GRIN3A: variants seen among roughly 807,000 people sequenced by gnomAD.
GRIN3A encodes glutamate receptor ionotropic, NMDA 3A.
In GRIN3A, 47 loss-of-function variants were observed where a neutral mutation model predicts 92.4. That is an observed-to-expected ratio of 0.51 (90% CI 0.40 to 0.65). The LOEUF is 0.65. Among genes scored for constraint, GRIN3A ranks in the 30% least tolerant of loss-of-function variants. GRIN3A has a pLI of 0.00. For synonymous variants in GRIN3A, 527 were observed against 540.6 expected (o/e 0.97, Z 0.35); for missense variants, 1,324 against 1,393.1 (o/e 0.95, Z 0.79).
At chr9:101,579,781 A>G (rs187308080) in intron 6 of GRIN3A, among the ~76,000 whole-genome samples, 1 of 152,280 alleles carries the variant, frequency 6.6e-6, no homozygotes, top group African/African-American at 2.4e-5. Context: ...AGCTCTGGAA[A>G]ACAAGAAACC....
intron 1 of GRIN3A, among the ~76,000 whole-genome samples, chr9:101,700,688 A>G (rs1261018598): frequency 1.3e-5 from 2 of 152,212 alleles, no homozygotes; most frequent in Non-Finnish European, 2.9e-5. Flanking sequence ...ATAATTCAAT[A>G]TAAGAATGTA....
chr9:101,738,184 C>T lies in GRIN3A; in HGVS notation c.-205G>A. ...AGTCTCAGATCCCGCTCCCAGGTCC[C>T]TCCGCCTGGCATCCTCTGCCCGCCC... On this transcript the variant is annotated 5_prime_UTR_variant, in exon 1 of 9. Transcript: ENST00000361820. 3.2e-6 allele frequency: 2 copies of T among 630,952 alleles called. No individual in the cohort carries two copies. The highest frequency in any genetic ancestry group is 5.7e-6 in the Non-Finnish European group (2 of 348,752). The allele number at this position is 630,952 out of a possible 1,614,324, so 39.1% of individuals were successfully genotyped here. A position where few individuals can be genotyped will look rare whatever the true frequency, so the allele number is the denominator to read the frequency against.
At chr9:101,632,601 T>G (rs548825192) in intron 3 of GRIN3A, among the ~76,000 whole-genome samples, 36 of 152,312 alleles carry the variant, frequency 2.4e-4, no homozygotes, top group South Asian at 4.1e-4. Context: ...TAAAACTAAT[T>G]TTTTCCTTTG....
chr9:101,619,939 G>T (rs187892978), intron 5 of GRIN3A, among the ~76,000 whole-genome samples: 1 of 152,046 alleles, frequency 6.6e-6, no homozygotes, highest in Non-Finnish European at 1.5e-5. Context: ...ACATGCTTTC[G>T]CATCCTTAAT....
chr9:101,573,711 C>T (rs1827791444), intron 8 of GRIN3A, among the ~76,000 whole-genome samples, 198 bp from the exon 9 acceptor site: 1 of 151,378 alleles, frequency 6.6e-6, no homozygotes, highest in African/African-American at 2.4e-5. Context: ...GTTCAAGTCC[C>T]ATGCTGCTCT....
intron 3 of GRIN3A, among the ~76,000 whole-genome samples, chr9:101,646,311 C>T (rs1828936547): frequency 6.6e-6 from 1 of 151,686 alleles, no homozygotes; most frequent in Non-Finnish European, 1.5e-5. Flanking sequence ...TTTCCTAGTA[C>T]CAGTTATTGA....
chr9:101,628,875 T>TA (rs1288476992), intron 3 of GRIN3A, among the ~76,000 whole-genome samples: 5 of 149,996 alleles, frequency 3.3e-5, no homozygotes, highest in African/African-American at 1.3e-4. Flanking sequence ...CTTTAGGCTA[T>TA]ATTACATTTT....
intron 1 of GRIN3A, among the ~76,000 whole-genome samples, chr9:101,717,048 G>T (rs1829956308): frequency 6.6e-6 from 1 of 152,058 alleles, no homozygotes; most frequent in African/African-American, 2.4e-5. Flanking sequence ...TACCTTCATG[G>T]CCTCTAGAAG....
chr9:101,695,017 T>C (rs1289849520), intron 1 of GRIN3A, among the ~76,000 whole-genome samples: 1 of 152,206 alleles, frequency 6.6e-6, no homozygotes, highest in Non-Finnish European at 1.5e-5. Flanking sequence ...ACCAATTATA[T>C]ATGTGAGACC....
chr9:101,725,552 TA>T (rs1360043803), intron 1 of GRIN3A, among the ~76,000 whole-genome samples: 2 of 152,194 alleles, frequency 1.3e-5, no homozygotes, highest in Non-Finnish European at 2.9e-5. Flanking sequence ...ATTGGAGATA[TA>T]ACCACAATTT....
intron 3 of GRIN3A, among the ~76,000 whole-genome samples, chr9:101,630,253 G>T (rs1828693557): frequency 6.6e-6 from 1 of 151,972 alleles, no homozygotes; most frequent in Admixed American, 6.6e-5. Flanking sequence ...TGTAGGCAAA[G>T]ACCTAGGTGA....
At chr9:101,658,918 A>C (rs985914446) in intron 3 of GRIN3A, among the ~76,000 whole-genome samples, 31 of 151,800 alleles carry the variant, frequency 2.0e-4, no homozygotes, top group African/African-American at 7.5e-4. Context: ...TTGCCACTGG[A>C]TACACCAGTG....
At chr9:101,714,565 C>A (rs1829921062) in intron 1 of GRIN3A, among the ~76,000 whole-genome samples, 2 of 152,152 alleles carry the variant, frequency 1.3e-5, no homozygotes, top group South Asian at 2.1e-4. Context: ...GCACTTCTCC[C>A]TTTTCATTTT....
intron 3 of GRIN3A, among the ~76,000 whole-genome samples, chr9:101,667,509 C>G (rs1405507689): frequency 6.6e-6 from 1 of 152,002 alleles, no homozygotes; most frequent in Non-Finnish European, 1.5e-5. Context: ...TTCTAAGTTG[C>G]TTCTCCTTTT....
intron 3 of GRIN3A, among the ~76,000 whole-genome samples, chr9:101,653,612 C>T (rs916379761): frequency 2.6e-5 from 4 of 151,792 alleles, no homozygotes; most frequent in African/African-American, 9.7e-5. Flanking sequence ...TTAATACTCA[C>T]CCTAAAACCA....
intron 1 of GRIN3A, among the ~76,000 whole-genome samples, chr9:101,711,106 G>A (rs140417444): frequency 9.9e-4 from 151 of 152,256 alleles, no homozygotes; most frequent in Non-Finnish European, 2.0e-3. Context: ...AAGATGATAA[G>A]ATCCCTATGT....
At chr9:101,651,636 TTGTG>T (rs57126529) in intron 3 of GRIN3A, among the ~76,000 whole-genome samples, 377 of 146,032 alleles carry the variant, frequency 2.6e-3, no homozygotes, top group African/African-American at 7.8e-3. Flanking sequence ...AATAAATCCA[TTGTG>T]TGTGTGTGTG....
rs558703854 is a variant in GRIN3A, at chr9:101,619,423, G to C, written c.2614+3895C>G. On this transcript the variant is annotated intron_variant, in intron 5 of 8. Transcript: ENST00000361820. ...CCTGGAAGAATTTTACAGTTAATTG[G>C]TCTCAATGCATTAATCAATATACTA... Among the ~76,000 whole-genome samples, 4 of 152,214 alleles carry C rather than the reference G, an allele frequency of 2.6e-5. No individual in the cohort carries two copies. The South Asian group carries it at 8.3e-4, about 32-fold the overall frequency.
intron 6 of GRIN3A, among the ~76,000 whole-genome samples, chr9:101,599,358 G>T (rs59357457): frequency 0.021 from 3,240 of 152,194 alleles, 118 homozygotes; most frequent in African/African-American, 0.074. Flanking sequence ...CTGTAGAGGA[G>T]GTAACATTAT....
Sources: allele counts gnomAD v4.1 joint callset (sites outside exome capture counted in the v4.1 genomes callset), GRCh38; gene constraint gnomAD v4.1.1; transcripts MANE v1.5; gene names NCBI Gene and HGNC (gene_info 2026-07-23, HGNC 2026-07-21).